The following SPACA6 variants were observed in gnomAD, a reference collection of about 807,000 sequenced individuals.
The protein encoded by SPACA6 is sperm acrosome membrane-associated protein 6.
For missense variants in SPACA6, 8 were observed against 2.8 expected, an observed-to-expected ratio of 2.88 and a Z score of -1.34; for synonymous variants, 6 against 1.5, an observed-to-expected ratio of 4.05 and a Z score of -2.21.
At chr19:51,697,403 C>G (rs766096356) in intron 2 of SPACA6, among the ~76,000 whole-genome samples, 1 of 152,130 alleles carries the variant, frequency 6.6e-6, no homozygotes, top group African/African-American at 2.4e-5. Flanking sequence ...AGGATTTGAC[C>G]GTGTGCCAGG....
chr19:51,710,081 G>A (rs2083535191), downstream of SPACA6, among the ~76,000 whole-genome samples: 1 of 152,076 alleles, frequency 6.6e-6, no homozygotes, highest in Non-Finnish European at 1.5e-5. Flanking sequence ...AAGAAAGGGT[G>A]TCAAAAAAAA....
At chr19:51,690,812 T>G (rs1034602338), upstream of SPACA6, among the ~76,000 whole-genome samples, 1 of 151,294 alleles carries the variant, frequency 6.6e-6, no homozygotes, top group East Asian at 2.0e-4. Context: ...TCTGAGATTC[T>G]CGGCTTCCCC....
chr19:51,697,544 T>C (rs529769994), intron 2 of SPACA6, among the ~76,000 whole-genome samples: 1 of 152,158 alleles, frequency 6.6e-6, no homozygotes, highest in Non-Finnish European at 1.5e-5. Context: ...AAGGGAACGC[T>C]GGGCTCTTCT....
chr19:51,690,929 C>T (rs1176639575), upstream of SPACA6, among the ~76,000 whole-genome samples: 1 of 151,958 alleles, frequency 6.6e-6, no homozygotes, highest in Admixed American at 6.5e-5. Context: ...GCGGGGGCAG[C>T]CTCCTCCCTT....
At chr19:51,685,430 G>A (rs138315020), upstream of SPACA6, 160 of 152,270 alleles carry the variant, frequency 1.1e-3, no homozygotes, top group African/African-American at 3.8e-3. Context: ...ATTTGGGGAT[G>A]AGACCCAAGT....
intron 8 of SPACA6, chr19:51,704,769 C>G: frequency 2.6e-6 from 1 of 380,980 alleles, no homozygotes. Context: ...TTCCAGGCCC[C>G]AAACCCCTAC....
At chr19:51,687,294 C>T (rs2083332717), upstream of SPACA6, 2 of 146,464 alleles carry the variant, frequency 1.4e-5, no homozygotes, top group East Asian at 4.4e-4. Context: ...TACATACATA[C>T]ATACATACAT....
chr19:51,694,774 T>C (rs1401011011), intron 2 of SPACA6, among the ~76,000 whole-genome samples: 2 of 152,164 alleles, frequency 1.3e-5, no homozygotes, highest in Admixed American at 1.3e-4. Context: ...GAAGGGACGC[T>C]GCAGAAATTG....
Position 51,704,034 on chromosome 19 carries a change from G to A in SPACA6, c.578G>A (p.Arg193Gln), listed in dbSNP as rs562440347. 226 of 401,106 alleles carry A rather than the reference G, an allele frequency of 5.6e-4. 2 individuals carry two copies. Among genetic ancestry groups the A allele is most frequent in the African/African-American group, 4.3e-3 (210 of 48,804 alleles). The allele number at this position is 401,106 out of a possible 1,614,324, so 24.8% of individuals were successfully genotyped here. A position where few individuals can be genotyped will look rare whatever the true frequency, so the allele number is the denominator to read the frequency against. The stretch of plus-strand genomic sequence containing the variant: ...TTAAACCCGCGTGTCCCGCAGCTCC[G>A]GACTCAGGACTTGTCCTATTTCCGA... ...YSWKFAGGGL[R>Q]TQDLSYFRDM... Residue 193 changes from arginine to glutamine, a missense_variant, in exon 7 of 9, where the codon CGG becomes CAG. By Grantham distance (43) the Arg-to-Gln change is conservative (BLOSUM62 1). Coordinates refer to ENST00000637797, the MANE Select transcript of SPACA6 (RefSeq NM_001316972.2).
chr19:51,682,743 T>C, the SPACA6 span, among the ~76,000 whole-genome samples: 10 of 152,302 alleles, frequency 6.6e-5, no homozygotes, highest in African/African-American at 2.4e-4. Flanking sequence ...ACTGAGCAGC[T>C]TAAAACAACA....
At chr19:51,692,366 A>C (rs2083381318), upstream of SPACA6, among the ~76,000 whole-genome samples, 1 of 151,842 alleles carries the variant, frequency 6.6e-6, no homozygotes. This position sits in a 1 kb window ranked among gnomAD's most constrained non-coding sequence, Gnocchi z 5.6. Flanking sequence ...GAGGCTTTGG[A>C]TCTGGACTCA....
At chr19:51,702,697 CGGT>C (rs2083478777) in intron 4 of SPACA6, 45 bp downstream of exon 4, 1 of 398,982 alleles carries the variant, frequency 2.5e-6, no homozygotes, top group African/African-American at 2.1e-5. Flanking sequence ...GTAAGGGAGG[CGGT>C]CGGGGACGAA....
At chr19:51,701,382 AG>A in intron 2 of SPACA6, among the ~76,000 whole-genome samples, 1 of 152,254 alleles carries the variant, frequency 6.6e-6, no homozygotes, top group Admixed American at 6.5e-5. Flanking sequence ...GATGTCCAGG[AG>A]GACTTCCATC....
At chr19:51,693,860 AAAG>A (rs1419612867) in intron 1 of SPACA6, 120 bp downstream of exon 1, 4 of 399,744 alleles carry the variant, frequency 1.0e-5, no homozygotes, top group Non-Finnish European at 1.8e-5. Flanking sequence ...AGAAAGGCTC[AAAG>A]ACCATGAGAA....
At chr19:51,695,835 G>A (rs564033063) in intron 2 of SPACA6, among the ~76,000 whole-genome samples, 40 of 152,302 alleles carry the variant, frequency 2.6e-4, no homozygotes, top group Non-Finnish European at 3.8e-4. Context: ...GGCTGGGGCC[G>A]TGAAGGTGGA....
Position 51,694,007 on chromosome 19 carries a change from A to T in SPACA6, c.214+267A>T, listed in dbSNP as rs926940248. 85 of 308,846 alleles carry T rather than the reference A, an allele frequency of 2.8e-4. 1 individual carries two copies. Among genetic ancestry groups the T allele is most frequent in the African/African-American group, 1.7e-3 (72 of 42,504 alleles). 19.1% of individuals were successfully genotyped at this position (308,846 alleles called of 1,614,324 possible). On this transcript the variant is annotated intron_variant, in intron 1 of 8. Transcript: ENST00000637797. ...GGGGAGGATGGAGACTCAGAGAGAG[A>T]GGAAGATGGAGACTCGGAAAGATGG...
At chr19:51,710,054 TA>T (rs2083535066), downstream of SPACA6, among the ~76,000 whole-genome samples, 1 of 152,142 alleles carries the variant, frequency 6.6e-6, no homozygotes, top group South Asian at 2.1e-4. Context: ...TCCATAATCT[TA>T]GGTAGCTCTT....
intron 2 of SPACA6, among the ~76,000 whole-genome samples, chr19:51,711,146 A>G (rs540670016): frequency 6.6e-6 from 1 of 152,376 alleles, no homozygotes; most frequent in African/African-American, 2.4e-5. Context: ...TGTGTCAGAC[A>G]CAGCCAAATC....
chr19:51,704,229 G>A (rs569721403), intron 7 of SPACA6, 41 bp from the exon 8 acceptor site: 39 of 400,924 alleles, frequency 9.7e-5, no homozygotes, highest in African/African-American at 7.0e-4. Flanking sequence ...GGTCGGGAGA[G>A]GGGTGGGGCT....
Sources: allele counts gnomAD v4.1 joint callset (sites outside exome capture counted in the v4.1 genomes callset), GRCh38; gene constraint gnomAD v4.1.1; non-coding constraint Gnocchi (gnomAD v3.1); transcripts MANE v1.5; gene names NCBI Gene and HGNC (gene_info 2026-07-23, HGNC 2026-07-21).